Variants in YES1 observed in about 807,000 individuals in gnomAD.
YES1 encodes tyrosine-protein kinase Yes.
In YES1, 39 loss-of-function variants were observed where a neutral mutation model predicts 70.4. The observed-to-expected ratio is 0.55, with a 90% CI of 0.43 to 0.72. The LOEUF is 0.72. YES1 is among the 30% of genes least tolerant of loss of function. The pLI is 0.00. For synonymous variants in YES1, 198 were observed against 218.6 expected, an observed-to-expected ratio of 0.91 and a Z score of 0.83; for missense variants, 495 against 644.8, an observed-to-expected ratio of 0.77 and a Z score of 2.52.
intron 2 of YES1, among the ~76,000 whole-genome samples, chr18:752,068 T>C (rs1260983446): frequency 6.6e-6 from 1 of 152,196 alleles, no homozygotes; most frequent in South Asian, 2.1e-4. Flanking sequence ...ACTACTGTAT[T>C]CTACAAATTA....
intron 4 of YES1, among the ~76,000 whole-genome samples, chr18:747,475 AAAG>A (rs947404336): frequency 2.6e-5 from 4 of 152,190 alleles, no homozygotes; most frequent in Non-Finnish European, 4.4e-5. Flanking sequence ...GTCTCAAAAA[AAAG>A]AAGAATGTAA....
chr18:727,915 C>T lies in YES1; in HGVS notation c.1424-3283G>A, dbSNP rs1420963352. Among the ~76,000 whole-genome samples, 5 of 152,110 alleles carry T rather than the reference C, an allele frequency of 3.3e-5. No homozygotes were observed. The East Asian group carries it at 7.7e-4, about 23-fold the overall frequency. ...TGTTCCTGCGTAGATAATATATAGG[C>T]TGAGTATCCCTTATCTGAAATGTTT... On this transcript the variant is annotated intron_variant, in intron 11 of 11. Transcript: ENST00000314574.
chr18:742,435 A>G (rs561355568), intron 8 of YES1, among the ~76,000 whole-genome samples: 56 of 147,890 alleles, frequency 3.8e-4, no homozygotes, highest in Admixed American at 1.0e-3. Context: ...CCTGGGCAAC[A>G]TAGTTGAGAC....
intron 1 of YES1, among the ~76,000 whole-genome samples, chr18:772,010 T>A (rs186699321): frequency 1.4e-3 from 216 of 151,886 alleles, no homozygotes; most frequent in African/African-American, 4.5e-3. Context: ...GACAGTCTGA[T>A]CGTACACCAC....
Position 751,749 on chromosome 18 carries a change from G to A in YES1, c.327C>T (p.Asp109=), listed in dbSNP as rs2080346396. 1 of 1,605,182 alleles carries A rather than the reference G, an allele frequency of 6.2e-7. No homozygotes were observed. The highest frequency in any genetic ancestry group is 1.7e-5 in the Admixed American group (1 of 59,882). Residue 109 remains aspartate (D), a synonymous_variant, in exon 3 of 12, where the codon GAC becomes GAT. Transcript: ENST00000314574. Reference sequence around the variant, plus strand: ...ATCTTTCACCCTTCTTAAATGAAAGGTCTTCTGTAGTTCTAGCTTCATAAT... The same window carrying A: ...ATCTTTCACCCTTCTTAAATGAAAGATCTTCTGTAGTTCTAGCTTCATAAT... ...LYDYEARTTE[D]LSFKKGERFQ... is the part of the protein sequence containing the mutation.
At chr18:793,113 C>A (rs1448721228) in intron 1 of YES1, among the ~76,000 whole-genome samples, 1 of 150,574 alleles carries the variant, frequency 6.6e-6, no homozygotes, top group Non-Finnish European at 1.5e-5. Context: ...GATCTGGGCT[C>A]ACTGCAACCT....
intron 11 of YES1, among the ~76,000 whole-genome samples, chr18:731,884 G>A (rs376333205): frequency 6.1e-5 from 9 of 147,826 alleles, no homozygotes; most frequent in Non-Finnish European, 1.2e-4. Flanking sequence ...GGAGAATGGC[G>A]TGAAGCTGGG....
intron 1 of YES1, among the ~76,000 whole-genome samples, chr18:766,483 G>A (rs570010122): frequency 7.0e-5 from 10 of 143,538 alleles, no homozygotes; most frequent in South Asian, 2.1e-4. Context: ...CTATGTTTTC[G>A]TATTTATGGA....
chr18:782,659 A>G (rs1177515700), intron 1 of YES1, among the ~76,000 whole-genome samples: 3 of 152,226 alleles, frequency 2.0e-5, no homozygotes, highest in African/African-American at 7.2e-5. Context: ...TGACATCAAT[A>G]TAAAACATGT....
chr18:787,491 C>T (rs959620107), intron 1 of YES1, among the ~76,000 whole-genome samples: 1 of 152,080 alleles, frequency 6.6e-6, no homozygotes, highest in East Asian at 1.9e-4. Context: ...AGGTGGATCA[C>T]TGAAGGTCAG....
In YES1 at chr18:756,830, T is replaced by C; in HGVS notation, c.-3A>G. ...TCTTTACTTTTAATGCAGCCCATTA[T>C]CAAATCTACAGAGACAATAAAATAT... On this transcript the variant is annotated 5_prime_UTR_variant, in exon 2 of 12. Transcript: ENST00000314574. 1 of 1,612,664 alleles carries C rather than the reference T, an allele frequency of 6.2e-7. No individual in the cohort carries two copies. The highest frequency in any genetic ancestry group is 8.5e-7 in the Non-Finnish European group (1 of 1,179,352).
At chr18:748,097 T>C (rs1337797950) in intron 3 of YES1, 79 bp from the exon 4 acceptor site, 3 of 1,156,034 alleles carry the variant, frequency 2.6e-6, no homozygotes, top group Non-Finnish European at 2.5e-6. Flanking sequence ...ATCTTGTATC[T>C]GAAGTAAACA....
rs2079991091 is a variant in YES1, at chr18:724,221, T to TA, written c.*202dup. ...GCTCTATTTTGTTTGGACCCTGAAA[T>TA]ACGCTGATAAATTCATCATTGGTAC... On this transcript the variant is annotated 3_prime_UTR_variant, in exon 12 of 12. Transcript: ENST00000314574. 1.8e-6 allele frequency: 1 copy of TA among 566,576 alleles called. No homozygotes were observed. Among genetic ancestry groups the TA allele is most frequent in the South Asian group, 2.3e-5 (1 of 44,182 alleles). The allele number at this position is 566,576 out of a possible 1,614,324, so 35.1% of individuals were successfully genotyped here.
intron 4 of YES1, 22 bp downstream of exon 4, chr18:747,898 A>T (rs768382737): frequency 6.2e-7 from 1 of 1,602,974 alleles, no homozygotes; most frequent in South Asian, 1.1e-5. Context: ...AATAATTAAT[A>T]AAATATGAAG....
At chr18:786,788 G>A (rs754740115) in intron 1 of YES1, among the ~76,000 whole-genome samples, 11 of 151,940 alleles carry the variant, frequency 7.2e-5, no homozygotes, top group South Asian at 6.2e-4. Flanking sequence ...CTACCATAAA[G>A]TCAAATATAC....
intron 1 of YES1, among the ~76,000 whole-genome samples, chr18:783,625 T>C (rs1905791462): frequency 6.6e-6 from 1 of 152,044 alleles, no homozygotes; most frequent in East Asian, 1.9e-4. Flanking sequence ...CTCTTTTTTT[T>C]TTTTTTTTGA....
chr18:758,401 C>T (rs946936837), intron 1 of YES1, among the ~76,000 whole-genome samples: 7 of 152,094 alleles, frequency 4.6e-5, no homozygotes, highest in Admixed American at 1.3e-4. Flanking sequence ...CCAAATTTAA[C>T]CCCAATCTAT....
At chr18:803,628 C>T (rs1906936814) in intron 1 of YES1, among the ~76,000 whole-genome samples, 2 of 152,138 alleles carry the variant, frequency 1.3e-5, no homozygotes, top group African/African-American at 2.4e-5. Flanking sequence ...TTAAATTAAG[C>T]TTAATAGCAA....
rs930805908 is a variant in YES1, at chr18:796,872, A to C, written c.-9+15242T>G. Among the ~76,000 whole-genome samples, 4 of 152,240 alleles carry C rather than the reference A, an allele frequency of 2.6e-5. No individual in the cohort carries two copies. The East Asian group carries it at 7.7e-4, about 29-fold the overall frequency. ...AAGGTGGCATTTTGAACCAGTGTGAAAATAGATTTAATAACTAGCAGTAGT... is the reference window on the plus strand; with the variant it reads ...AAGGTGGCATTTTGAACCAGTGTGACAATAGATTTAATAACTAGCAGTAGT... On this transcript the variant is annotated intron_variant, in intron 1 of 11. Transcript: ENST00000314574.
Sources: allele counts gnomAD v4.1 joint callset (sites outside exome capture counted in the v4.1 genomes callset), GRCh38; gene constraint gnomAD v4.1.1; transcripts MANE v1.5; gene names NCBI Gene and HGNC (gene_info 2026-07-23, HGNC 2026-07-21).